The following ACE variants were observed in gnomAD, a reference collection of about 807,000 sequenced individuals.
ACE encodes the protein angiotensin I converting enzyme.
ACE carries 122 observed loss-of-function variants against 162.3 expected under a neutral mutation model. The ratio of observed to expected loss-of-function variants is 0.75; its 90% confidence interval spans 0.65 to 0.87. The LOEUF is 0.87. ACE is among the 40% of genes least tolerant of loss of function. ACE has a pLI of 0.00. For missense variants in ACE, 1,799 were observed against 1,735.1 expected (o/e 1.04, Z -0.65); for synonymous variants, 796 against 720.6 (o/e 1.10, Z -1.68).
intron 8 of ACE, 52 bp from the exon 9 acceptor site, chr17:63,482,977 C>T (rs2049736413): frequency 6.3e-7 from 1 of 1,583,128 alleles, no homozygotes; most frequent in Non-Finnish European, 8.7e-7. Context: ...TCTTAGGGGA[C>T]CCTCTTCTCC....
At position 63,484,061 on chromosome 17, in the gene ACE, TG is replaced by T. The variant is rs777300702; in HGVS notation, c.1709+96del. 2.0e-6 allele frequency: 3 copies of T among 1,524,506 alleles called. No individual in the cohort carries two copies. The highest frequency in any genetic ancestry group is 1.8e-6 in the Non-Finnish European group (2 of 1,137,550). The allele number at this position is 1,524,506 out of a possible 1,614,324, so 94.4% of individuals were successfully genotyped here. A position where few individuals can be genotyped will look rare whatever the true frequency, so the allele number is the denominator to read the frequency against. On this transcript the variant is annotated intron_variant, in intron 11 of 24. Transcript: ENST00000290866. The surrounding 1 kb of genome is among the most constrained non-coding windows in gnomAD (Gnocchi z 4.0). ...GAGGTGTCTGGCTGCTCTGATGGGG[TG>T]GGGGGCACCAACCACAGAGCTGGAC...
chr17:63,479,476 G>A (rs943689650), intron 3 of ACE, among the ~76,000 whole-genome samples: 2 of 152,144 alleles, frequency 1.3e-5, no homozygotes, highest in African/African-American at 4.8e-5. Flanking sequence ...CAGCTTCGAG[G>A]AAGGCACTCC....
At position 63,497,895 on chromosome 17, in the gene ACE, C is replaced by T; in HGVS notation, c.*529C>T. 4.5e-6 allele frequency: 1 copy of T among 224,184 alleles called. No individual in the cohort carries two copies. Among genetic ancestry groups the T allele is most frequent in the Non-Finnish European group, 9.0e-6 (1 of 111,146 alleles). The allele number at this position is 224,184 out of a possible 1,614,324, so 13.9% of individuals were successfully genotyped here. On this transcript the variant is annotated 3_prime_UTR_variant, in exon 25 of 25. Coordinates refer to ENST00000290866, the MANE Select transcript of ACE (RefSeq NM_000789.4). Reference sequence around the variant, plus strand: ...TCTGGGAAGCAGACATCCTGGGCTGCTGGCCTCACATTTCCACTGGCAGTG... The same window carrying T: ...TCTGGGAAGCAGACATCCTGGGCTGTTGGCCTCACATTTCCACTGGCAGTG...
rs552415345 is a variant in ACE at position 63,490,851 on chromosome 17, G to GATT, written c.2642-101_2642-99dup. On this transcript the variant is annotated intron_variant, in intron 17 of 24. Coordinates refer to ENST00000290866, the MANE Select transcript of ACE (RefSeq NM_000789.4). ...GTAGGTGCTCAAGAAATGCCACTAT[G>GATT]ATTAGCAGGACTGGGATCTGGAGCG... 15 of 1,084,202 alleles carry GATT rather than the reference G, an allele frequency of 1.4e-5. No individual in the cohort carries two copies. In the East Asian group the frequency reaches 3.1e-4, roughly 22 times the overall value. The allele number at this position is 1,084,202 out of a possible 1,614,324, so 67.2% of individuals were successfully genotyped here.
At chr17:63,494,106 C>T (rs1431315063) in intron 21 of ACE, 40 bp downstream of exon 21, 2 of 1,611,492 alleles carry the variant, frequency 1.2e-6, no homozygotes, top group Non-Finnish European at 1.7e-6. Context: ...TGGGGGATCT[C>T]TGCGAGTGTC....
intron 2 of ACE, chr17:63,478,342 T>C (rs1373924643): frequency 1.8e-6 from 1 of 561,506 alleles, no homozygotes; most frequent in African/African-American, 1.9e-5. Context: ...AATACACTTC[T>C]CCCTAGGCTG....
Position 63,485,379 on chromosome 17 carries a change from G to A in ACE, c.2058+7G>A. On this transcript the variant is annotated splice_region_variant and intron_variant, in intron 13 of 24. Transcript: ENST00000290866. ...AGAGACCAGCAAGATTCTGGTGGGA[G>A]CCACCTCCCCACCCCCAAACCTGAG... 1 of 1,613,772 alleles carries A rather than the reference G, an allele frequency of 6.2e-7. No homozygotes were observed. Among genetic ancestry groups the A allele is most frequent in the Non-Finnish European group, 8.5e-7 (1 of 1,179,890 alleles).
chr17:63,483,326 C>T (rs756396818), intron 9 of ACE, 134 bp from the exon 10 acceptor site: 5 of 1,488,718 alleles, frequency 3.4e-6, no homozygotes, highest in Non-Finnish European at 4.7e-6. Context: ...GCCTGAAACT[C>T]CCTCTTCCAG....
At chr17:63,485,653 G>A (rs1177111125) in intron 13 of ACE, 2 of 408,176 alleles carry the variant, frequency 4.9e-6, no homozygotes, top group Non-Finnish European at 9.5e-6. Flanking sequence ...GCGAGCACCT[G>A]TAGTCCCAGT....
At position 63,484,210 on chromosome 17, in the gene ACE, A is replaced by T; in HGVS notation, c.1710-120A>T. On this transcript the variant is annotated intron_variant, in intron 11 of 24. Coordinates refer to ENST00000290866, the MANE Select transcript of ACE (RefSeq NM_000789.4). The surrounding 1 kb of genome is among the most constrained non-coding windows in gnomAD (Gnocchi z 4.0). ...GAGAGATCCCAGGCCCCAGGGTCTT[A>T]TTGCCACAGTTTCTGCAGTCCATTG... 1 of 1,307,206 alleles carries T rather than the reference A, an allele frequency of 7.6e-7. No individual in the cohort carries two copies. The highest frequency in any genetic ancestry group is 1.3e-5 in the South Asian group (1 of 78,628). The allele number at this position is 1,307,206 out of a possible 1,614,324, so 81.0% of individuals were successfully genotyped here.
At position 63,477,960 on chromosome 17, in the gene ACE, T is replaced by C; in HGVS notation, c.279T>C (p.Phe93=). The stretch of plus-strand genomic sequence containing the variant: ...AAGCAGCCCTGCTCAGCCAGGAGTT[T>C]GCGGAGGCCTGGGGCCAGAAGGCCA... The part of the protein sequence containing the change: ...QEEAALLSQE[F]AEAWGQKAKE... Residue 93 remains phenylalanine (F), a synonymous_variant, in exon 2 of 25, where the codon TTT becomes TTC. Transcript: ENST00000290866. The C allele has an allele frequency of 1.2e-6, 2 of 1,612,196 alleles. No individual in the cohort carries two copies. The highest frequency in any genetic ancestry group is 1.7e-6 in the Non-Finnish European group (2 of 1,179,462).
chr17:63,487,422 C>T (rs1209799032), intron 15 of ACE, among the ~76,000 whole-genome samples: 1 of 152,056 alleles, frequency 6.6e-6, no homozygotes, highest in Non-Finnish European at 1.5e-5. Flanking sequence ...ACACTAGCTC[C>T]CCCCGGCCTC....
Position 63,496,923 on chromosome 17 carries a change from C to G in ACE, c.3629C>G (p.Thr1210Arg), listed in dbSNP as rs12720742. 19 of 1,613,506 alleles carry G rather than the reference C, an allele frequency of 1.2e-5. No homozygotes were observed. The highest frequency in any genetic ancestry group is 1.3e-5 in the African/African-American group (1 of 75,058). The change falls in exon 24 of 25, where the codon ACG becomes AGG. Residue 1210 changes from threonine (T) to arginine (R), a missense_variant. Physicochemically the swap from Thr to Arg is moderately conservative, Grantham distance 71 (BLOSUM62 -1). Coordinates refer to ENST00000290866, the MANE Select transcript of ACE (RefSeq NM_000789.4). ...AAGCCGCTGCTGGACTGGCTCCGCA[C>G]GGAGAACGAGCTGCATGGGGAGAAG... ...YFKPLLDWLR[T>R]ENELHGEKLG...
chr17:63,495,303 C>T (rs1395145624), intron 22 of ACE, among the ~76,000 whole-genome samples: 1 of 152,170 alleles, frequency 6.6e-6, no homozygotes, highest in Admixed American at 6.5e-5. Flanking sequence ...CCCTGGGAGG[C>T]TGGGGGCTAG....
intron 23 of ACE, 30 bp from the exon 24 acceptor site, chr17:63,496,768 A>T: frequency 6.2e-7 from 1 of 1,608,890 alleles, no homozygotes; most frequent in Non-Finnish European, 8.5e-7. Context: ...TGTCCTTCTG[A>T]CTCTGCCTCC....
At chr17:63,492,308 CA>C (rs1363747076) in intron 19 of ACE, among the ~76,000 whole-genome samples, 1 of 152,238 alleles carries the variant, frequency 6.6e-6, no homozygotes, top group Non-Finnish European at 1.5e-5. Flanking sequence ...TTGGCTAGAA[CA>C]AGTCACAAGT....
chr17:63,489,432 G>A (rs2030225122), intron 17 of ACE, among the ~76,000 whole-genome samples: 1 of 152,180 alleles, frequency 6.6e-6, no homozygotes, highest in East Asian at 1.9e-4. Flanking sequence ...ATCTTAGAGG[G>A]CGAGGAAGAG....
At chr17:63,483,364 G>A in intron 9 of ACE, 96 bp from the exon 10 acceptor site, 1 of 1,472,326 alleles carries the variant, frequency 6.8e-7, no homozygotes, top group Non-Finnish European at 9.5e-7. Flanking sequence ...CTCAGGATGG[G>A]GAAGGGTTGC....
At position 63,493,560 on chromosome 17, in the gene ACE, G is replaced by A. The variant is rs571848794; in HGVS notation, c.3037G>A (p.Gly1013Ser). 6.1e-5 allele frequency: 99 copies of A among 1,614,150 alleles called. No homozygotes were observed. Among genetic ancestry groups the A allele is most frequent in the Non-Finnish European group, 7.5e-5 (88 of 1,180,028 alleles). ...GGCCTTGAGGGAGGGTGCCAACCCCGGCTTCCATGAGGCCATTGGGGACGT... is the reference window on the plus strand; with the variant it reads ...GGCCTTGAGGGAGGGTGCCAACCCCAGCTTCCATGAGGCCATTGGGGACGT... Reference protein sequence around the residue: ...PVALREGANPGFHEAIGDVLA... With the variant: ...PVALREGANPSFHEAIGDVLA... Residue 1013 changes from glycine to serine, a missense_variant, in exon 20 of 25, where the codon GGC becomes AGC. Transcript: ENST00000290866.
Sources: gnomAD v4.1 joint callset for allele counts (sites outside exome capture counted in the v4.1 genomes callset) on GRCh38, gnomAD v4.1.1 for gene constraint, Gnocchi (gnomAD v3.1) non-coding constraint, MANE v1.5 for transcripts, NCBI Gene and HGNC (gene_info 2026-07-23, HGNC 2026-07-21) for gene names.